SOX5: variants seen among roughly 807,000 people sequenced by gnomAD.
SOX5 encodes the protein SRY-box transcription factor 5, also known as transcription factor SOX-5.
Under a neutral mutation model 92.0 loss-of-function variants are expected in SOX5, and 9 were observed. The ratio of observed to expected loss-of-function variants is 0.10; its 90% CI spans 0.06 to 0.17. The LOEUF is 0.17. SOX5 is among the 10% of genes least tolerant of loss of function. SOX5 has a pLI of 1.00. For synonymous variants in SOX5, 344 were observed against 336.3 expected (o/e 1.02, Z -0.25); for missense variants, 642 against 944.5 (o/e 0.68, Z 4.20).
rs1020291295 is a variant in SOX5, at chr12:23,988,591, G to A, written c.-1-92567C>T. Among the ~76,000 whole-genome samples, 5 of 152,288 alleles carry A rather than the reference G, an allele frequency of 3.3e-5. 1 individual carries two copies. In the South Asian group the frequency reaches 1.0e-3, roughly 32 times the overall value. Reference sequence around the variant, plus strand: ...AAGGTAGAAAACCATAAATAAGCAAGCACTAATTAATATGATTGTATTATT... The same window carrying A: ...AAGGTAGAAAACCATAAATAAGCAAACACTAATTAATATGATTGTATTATT... On this transcript the variant is annotated intron_variant, in intron 4 of 4. Coordinates refer to the SOX5 transcript ENST00000446891.
At chr12:24,476,634 C>A (rs1309968921) in intron 1 of SOX5, among the ~76,000 whole-genome samples, 2 of 151,754 alleles carry the variant, frequency 1.3e-5, no homozygotes, top group Non-Finnish European at 2.9e-5. Flanking sequence ...CAGGCCCCCA[C>A]GGCACTCTCT....
At chr12:23,719,807 A>AAAAAAAC (rs1567209060) in intron 6 of SOX5, among the ~76,000 whole-genome samples, 11 of 140,742 alleles carry the variant, frequency 7.8e-5, no homozygotes, top group South Asian at 2.2e-4. Context: ...AAAAAAAAAA[A>AAAAAAAC]AAAACTGATG....
intron 1 of SOX5, among the ~76,000 whole-genome samples, chr12:24,553,130 G>A (rs746072466): frequency 3.3e-5 from 5 of 152,182 alleles, no homozygotes; most frequent in Non-Finnish European, 5.9e-5. Context: ...TAACTGTCTC[G>A]TGATAGCCAG....
chr12:24,382,089 A>T (rs1374929551), intron 1 of SOX5, among the ~76,000 whole-genome samples: 1 of 152,228 alleles, frequency 6.6e-6, no homozygotes, highest in African/African-American at 2.4e-5. Flanking sequence ...TCACGCAGCT[A>T]ATATTCTTAG....
intron 4 of SOX5, among the ~76,000 whole-genome samples, chr12:24,070,838 C>T (rs2062704147): frequency 6.6e-6 from 1 of 152,190 alleles, no homozygotes; most frequent in Non-Finnish European, 1.5e-5. Flanking sequence ...CTATTTCTGT[C>T]ATGCCAGATG....
intron 3 of SOX5, among the ~76,000 whole-genome samples, chr12:24,216,993 A>AC (rs969846208): frequency 2.6e-5 from 4 of 152,208 alleles, no homozygotes; most frequent in African/African-American, 9.7e-5. Flanking sequence ...ATACTGATGT[A>AC]CCAGGAGGGT....
chr12:24,421,560 G>C (rs1315674779), intron 1 of SOX5, among the ~76,000 whole-genome samples: 9 of 151,946 alleles, frequency 5.9e-5, no homozygotes. Context: ...ACTCTCTTTG[G>C]TGGTTTTTAC....
chr12:23,627,281 C>A (rs1189168931), intron 8 of SOX5, among the ~76,000 whole-genome samples: 1 of 152,104 alleles, frequency 6.6e-6, no homozygotes, highest in Non-Finnish European at 1.5e-5. Context: ...TTTTTGTAAT[C>A]TGACATTCAG....
chr12:24,033,063 A>C (rs1296768285), intron 4 of SOX5, among the ~76,000 whole-genome samples: 1 of 151,942 alleles, frequency 6.6e-6, no homozygotes, highest in Non-Finnish European at 1.5e-5. Context: ...TTTAATCAAA[A>C]TTTAAAATGG....
At chr12:24,409,274 T>G (rs183338747) in intron 1 of SOX5, among the ~76,000 whole-genome samples, 1 of 151,292 alleles carries the variant, frequency 6.6e-6, no homozygotes, top group South Asian at 2.1e-4. Context: ...TAAGTGGGAG[T>G]TGAACATTGA....
intron 4 of SOX5, among the ~76,000 whole-genome samples, chr12:24,156,060 A>G (rs899995912): frequency 1.1e-4 from 16 of 152,102 alleles, no homozygotes; most frequent in African/African-American, 3.9e-4. Context: ...CGTGCTTAGC[A>G]CTGTGAATTT....
chr12:23,895,515 T>G (rs2097168246), intron 2 of SOX5, among the ~76,000 whole-genome samples: 1 of 151,896 alleles, frequency 6.6e-6, no homozygotes, highest in Non-Finnish European at 1.5e-5. Flanking sequence ...ATATCTTACT[T>G]TAACATTATT....
chr12:23,556,327 C>T (rs1016657071), intron 11 of SOX5, among the ~76,000 whole-genome samples: 2 of 152,036 alleles, frequency 1.3e-5, no homozygotes, highest in African/African-American at 4.8e-5. Flanking sequence ...AATAAGAAGG[C>T]AAATATTCAA....
chr12:23,569,085 G>A (rs1219674605), intron 10 of SOX5, among the ~76,000 whole-genome samples: 6 of 152,162 alleles, frequency 3.9e-5, no homozygotes, highest in African/African-American at 1.4e-4. Flanking sequence ...CAGCTACTTG[G>A]GGGGCTGAGG....
At chr12:24,065,537 C>T (rs12297254) in intron 4 of SOX5, among the ~76,000 whole-genome samples, 2 of 150,664 alleles carry the variant, frequency 1.3e-5, no homozygotes, top group African/African-American at 2.5e-5. Context: ...GTCCCAGCTA[C>T]TCAGGAGTCT....
intron 4 of SOX5, among the ~76,000 whole-genome samples, chr12:24,185,612 T>G (rs1205734534): frequency 2.0e-5 from 3 of 152,140 alleles, no homozygotes; most frequent in Non-Finnish European, 4.4e-5. Flanking sequence ...TGGGTTTGAA[T>G]TGTTGTTTTG....
intron 9 of SOX5, among the ~76,000 whole-genome samples, chr12:23,583,260 T>A (rs1950283308): frequency 6.6e-6 from 1 of 152,098 alleles, no homozygotes; most frequent in Non-Finnish European, 1.5e-5. Context: ...CTAATCTTAC[T>A]TTTTATTTCC....
chr12:23,700,930 C>A (rs1043715476), intron 6 of SOX5, among the ~76,000 whole-genome samples: 2 of 151,278 alleles, frequency 1.3e-5, no homozygotes, highest in Non-Finnish European at 2.9e-5. Context: ...TACACATATA[C>A]ATATATACAT....
intron 2 of SOX5, among the ~76,000 whole-genome samples, chr12:24,295,950 A>G (rs1947183140): frequency 6.6e-6 from 1 of 152,200 alleles, no homozygotes; most frequent in Non-Finnish European, 1.5e-5. Flanking sequence ...TGTGTGCGGT[A>G]TAAAGCCAAT....
Sources: allele counts gnomAD v4.1 joint callset (sites outside exome capture counted in the v4.1 genomes callset), GRCh38; gene constraint gnomAD v4.1.1; transcripts MANE v1.5; gene names NCBI Gene and HGNC (gene_info 2026-07-23, HGNC 2026-07-21).